ZNF600: variants seen among roughly 807,000 people sequenced by gnomAD.
ZNF600 encodes the protein zinc finger protein 600.
A neutral mutation model predicts 7.3 loss-of-function variants in ZNF600; 4 were observed. That is an observed-to-expected ratio of 0.55 (90% CI 0.27 to 1.25). The LOEUF is 1.25. ZNF600 is among the 50% of genes most tolerant of loss of function. ZNF600 has a pLI of 0.12. For missense variants in ZNF600, 911 were observed against 922.1 expected (o/e 0.99, Z 0.16); for synonymous variants, 290 against 308.9 (o/e 0.94, Z 0.64).
At chr19:52,803,562 G>C in the ZNF600 span, among the ~76,000 whole-genome samples, 1 of 152,260 alleles carries the variant, frequency 6.6e-6, no homozygotes, top group East Asian at 1.9e-4. Flanking sequence ...TAAGAAAAAA[G>C]CCAAAACTTG....
exon 4 of ZNF600, chr19:52,767,543 G>A: frequency 6.2e-7 from 1 of 1,614,058 alleles, no homozygotes; most frequent in Non-Finnish European, 8.5e-7. Flanking sequence ...GATCATGTTG[G>A]TCTGTGCTAC....
chr19:52,829,659 C>T, the ZNF600 span, among the ~76,000 whole-genome samples: 1 of 152,094 alleles, frequency 6.6e-6, no homozygotes, highest in Non-Finnish European at 1.5e-5. Flanking sequence ...CAGGCTTGAG[C>T]CACCGCACCC....
chr19:52,803,947 A>G, the ZNF600 span, among the ~76,000 whole-genome samples: 15,085 of 152,142 alleles, frequency 0.099, 1,381 homozygotes, highest in African/African-American at 0.23. Context: ...ACAGGATGAG[A>G]CTCCATCTCA....
the ZNF600 span, chr19:52,800,500 TA>T: frequency 2.5e-6 from 4 of 1,613,620 alleles, no homozygotes; most frequent in Non-Finnish European, 3.4e-6. Context: ...GATTGTTGAT[TA>T]AAAACCTTGC....
the ZNF600 span, among the ~76,000 whole-genome samples, chr19:52,831,871 C>G: frequency 1.3e-5 from 2 of 151,890 alleles, no homozygotes; most frequent in Non-Finnish European, 2.9e-5. Flanking sequence ...AACTCCTGAG[C>G]ACCCGACTCA....
At chr19:52,821,157 A>T in the ZNF600 span, among the ~76,000 whole-genome samples, 20 of 151,392 alleles carry the variant, frequency 1.3e-4, no homozygotes, top group Admixed American at 9.2e-4. Context: ...GCCTTCGGAC[A>T]AGGGTGGGAT....
At chr19:52,809,960 C>G in the ZNF600 span, 2 of 804,950 alleles carry the variant, frequency 2.5e-6, no homozygotes, top group Non-Finnish European at 4.3e-6. Flanking sequence ...GCGCAGGGGA[C>G]GATGGGAACG....
chr19:52,807,204 G>A, the ZNF600 span, among the ~76,000 whole-genome samples: 1 of 151,592 alleles, frequency 6.6e-6, no homozygotes, highest in Non-Finnish European at 1.5e-5. Flanking sequence ...AGGTCAGAAA[G>A]AGACTCCTGC....
At chr19:52,824,735 T>C in the ZNF600 span, among the ~76,000 whole-genome samples, 1 of 152,132 alleles carries the variant, frequency 6.6e-6, no homozygotes, top group Non-Finnish European at 1.5e-5. Flanking sequence ...TCTTCCTCAC[T>C]GAAGTCAGAC....
At chr19:52,806,090 C>G in the ZNF600 span, 1 of 152,158 alleles carries the variant, frequency 6.6e-6, no homozygotes, top group South Asian at 2.1e-4. Context: ...ATGAAAAACA[C>G]TGTACATATA....
At chr19:52,799,225 G>A in the ZNF600 span, 3 of 398,002 alleles carry the variant, frequency 7.5e-6, no homozygotes, top group East Asian at 1.2e-4. Context: ...TGAATTACAA[G>A]GTATGAATTT....
chr19:52,799,905 A>G, the ZNF600 span: 1 of 1,612,766 alleles, frequency 6.2e-7, no homozygotes, highest in Non-Finnish European at 8.5e-7. Context: ...GAGGGATGAC[A>G]TCTGACTGAA....
At chr19:52,804,696 G>C in the ZNF600 span, among the ~76,000 whole-genome samples, 1 of 152,034 alleles carries the variant, frequency 6.6e-6, no homozygotes, top group Admixed American at 6.6e-5. Context: ...GTAAATTCGA[G>C]GTTTCACCAT....
At chr19:52,825,032 G>A in the ZNF600 span, among the ~76,000 whole-genome samples, 1 of 152,120 alleles carries the variant, frequency 6.6e-6, no homozygotes, top group Admixed American at 6.6e-5. Flanking sequence ...GAAATGCAGA[G>A]GCTGCAGGGC....
chr19:52,779,217 C>T (rs181190810), intron 1 of ZNF600, among the ~76,000 whole-genome samples: 45 of 152,298 alleles, frequency 3.0e-4, no homozygotes, highest in Middle Eastern at 6.8e-3. Flanking sequence ...AGGACAGCCC[C>T]TCACCTCTCT....
the ZNF600 span, among the ~76,000 whole-genome samples, chr19:52,825,596 C>G: frequency 6.6e-6 from 1 of 152,044 alleles, no homozygotes; most frequent in African/African-American, 2.4e-5. Context: ...TCATTTGAAC[C>G]CATGAAGCAG....
At chr19:52,814,197 G>A in the ZNF600 span, 2 of 146,504 alleles carry the variant, frequency 1.4e-5, no homozygotes, top group Non-Finnish European at 3.0e-5. Context: ...GAAAGGAGAT[G>A]CTTTATGGCC....
the ZNF600 span, among the ~76,000 whole-genome samples, chr19:52,826,492 G>A: frequency 2.5e-3 from 373 of 152,174 alleles, 2 homozygotes; most frequent in Non-Finnish European, 3.5e-3. Context: ...AAGATCATGA[G>A]GTCAGGATTT....
chr19:52,787,723 G>A (rs951596990), upstream of ZNF600, among the ~76,000 whole-genome samples: 1 of 150,880 alleles, frequency 6.6e-6, no homozygotes, highest in Admixed American at 6.6e-5. Context: ...AGCCAAGCGT[G>A]GTGGTGGGTG....
Sources: allele counts gnomAD v4.1 joint callset (sites outside exome capture counted in the v4.1 genomes callset), GRCh38; gene constraint gnomAD v4.1.1; transcripts MANE v1.5; gene names NCBI Gene and HGNC (gene_info 2026-07-23, HGNC 2026-07-21).